The following C8orf34 variants were observed in gnomAD, a reference collection of about 807,000 sequenced individuals.
C8orf34 encodes the protein chromosome 8 open reading frame 34.
C8orf34 carries 65 observed loss-of-function variants against 68.3 expected under a neutral mutation model. The ratio of observed to expected loss-of-function variants is 0.95; its 90% CI spans 0.78 to 1.17. The LOEUF (loss-of-function observed/expected upper bound fraction) is 1.17. Among genes scored for constraint, C8orf34 ranks in the 50% most tolerant of loss-of-function variants. C8orf34 has a pLI of 0.00. For synonymous variants in C8orf34, 244 were observed against 241.2 expected (o/e 1.01, Z -0.11); for missense variants, 664 against 655.4 (o/e 1.01, Z -0.14).
At chr8:68,508,909 G>A (rs557765562) in intron 5 of C8orf34, among the ~76,000 whole-genome samples, 7 of 152,130 alleles carry the variant, frequency 4.6e-5, no homozygotes, top group Admixed American at 1.3e-4. Flanking sequence ...CTAGGCCAGA[G>A]TCCCTGCTAG....
At chr8:68,594,226 T>G (rs1342961406) in intron 7 of C8orf34, among the ~76,000 whole-genome samples, 1 of 152,042 alleles carries the variant, frequency 6.6e-6, no homozygotes, top group East Asian at 1.9e-4. Flanking sequence ...ACTCTGTTTA[T>G]TTTTCGTCCC....
intron 10 of C8orf34, among the ~76,000 whole-genome samples, chr8:68,759,919 A>G (rs182637277): frequency 7.2e-5 from 11 of 152,358 alleles, no homozygotes; most frequent in Admixed American, 6.5e-4. Flanking sequence ...TGGAAATGAA[A>G]GATATACTCA....
intron 12 of C8orf34, among the ~76,000 whole-genome samples, chr8:68,806,449 G>A (rs1363681869): frequency 6.6e-6 from 1 of 151,768 alleles, no homozygotes; most frequent in East Asian, 1.9e-4. Context: ...TTTTCTTTCA[G>A]CACGTCAAAG....
chr8:68,455,644 T>C (rs573114647), intron 3 of C8orf34, among the ~76,000 whole-genome samples: 100 of 152,246 alleles, frequency 6.6e-4, no homozygotes, highest in Middle Eastern at 6.8e-3. Context: ...AGTATTACCA[T>C]TATATGTCAG....
At chr8:68,695,773 C>T (rs1820814015) in intron 8 of C8orf34, 1 of 152,104 alleles carries the variant, frequency 6.6e-6, no homozygotes, top group African/African-American at 2.4e-5. Context: ...ACACTTTGCA[C>T]TGAATCCAGT....
At chr8:68,748,685 A>T (rs1822592903) in intron 10 of C8orf34, among the ~76,000 whole-genome samples, 1 of 151,724 alleles carries the variant, frequency 6.6e-6, no homozygotes, top group African/African-American at 2.4e-5. Flanking sequence ...AACCACAATG[A>T]GATACCATCT....
chr8:68,817,638 G>T (rs1824858354), intron 13 of C8orf34, among the ~76,000 whole-genome samples: 7 of 152,060 alleles, frequency 4.6e-5, no homozygotes, highest in Admixed American at 1.3e-4. Context: ...AAATATTCTA[G>T]AAACATGAAT....
At chr8:68,587,411 A>T (rs1054708943) in intron 7 of C8orf34, among the ~76,000 whole-genome samples, 2 of 152,146 alleles carry the variant, frequency 1.3e-5, no homozygotes, top group Admixed American at 6.6e-5. Context: ...ATGAGTTTAT[A>T]GAATCTGTGT....
intron 12 of C8orf34, among the ~76,000 whole-genome samples, chr8:68,809,634 A>T (rs1474729735): frequency 6.6e-6 from 1 of 152,332 alleles, no homozygotes; most frequent in East Asian, 1.9e-4. Context: ...GATTTTCATC[A>T]TGTAAATATT....
intron 7 of C8orf34, 117 bp downstream of exon 7, chr8:68,533,266 T>TA (rs1412185183): frequency 7.1e-7 from 1 of 1,417,008 alleles, no homozygotes. Flanking sequence ...AAGAAACCAT[T>TA]TAGTACATAT....
chr8:68,708,263 A>T (rs1821227827), intron 8 of C8orf34, among the ~76,000 whole-genome samples: 1 of 152,224 alleles, frequency 6.6e-6, no homozygotes, highest in African/African-American at 2.4e-5. Flanking sequence ...TATACAAAAG[A>T]TCAAGAGATA....
intron 12 of C8orf34, among the ~76,000 whole-genome samples, chr8:68,799,121 T>C (rs995071887): frequency 1.1e-4 from 17 of 152,210 alleles, no homozygotes; most frequent in African/African-American, 3.1e-4. Context: ...TTGAAGTCTT[T>C]AAAAGTTAGA....
rs886358235 is a variant in C8orf34 at position 68,331,043 on chromosome 8, G to A, written c.31G>A (p.Glu11Lys). Reference sequence around the variant, plus strand: ...TTCTCCCCTCGCCTCGGAGTTGTCTGAGTTGGCGGCGCTGCGCCCAGGCTT... The same window carrying A: ...TTCTCCCCTCGCCTCGGAGTTGTCTAAGTTGGCGGCGCTGCGCCCAGGCTT... The part of the protein sequence containing the change: MSSPLASELS[E>K]LAALRPGFRL... The change falls in exon 1 of 14, where the codon GAG becomes AAG. Residue 11 changes from glutamate (E) to lysine (K), a missense_variant. Transcript: ENST00000518698. 1.4e-6 allele frequency: 2 copies of A among 1,473,238 alleles called. No individual in the cohort carries two copies. Among genetic ancestry groups the A allele is most frequent in the East Asian group, 5.6e-5 (2 of 35,496 alleles). The allele number at this position is 1,473,238 out of a possible 1,614,324, so 91.3% of individuals were successfully genotyped here. A position where few individuals can be genotyped will look rare whatever the true frequency, so the allele number is the denominator to read the frequency against.
At chr8:68,475,568 A>G (rs891745692) in intron 4 of C8orf34, among the ~76,000 whole-genome samples, 1 of 152,174 alleles carries the variant, frequency 6.6e-6, no homozygotes, top group African/African-American at 2.4e-5. Flanking sequence ...GGATAAGATG[A>G]CATGGGTTTG....
chr8:68,402,078 A>T (rs1329270362), intron 1 of C8orf34, among the ~76,000 whole-genome samples: 1 of 152,000 alleles, frequency 6.6e-6, no homozygotes, highest in Non-Finnish European at 1.5e-5. Flanking sequence ...TATTACTCCA[A>T]TTTCGTTACT....
chr8:68,499,903 G>A (rs760503114), intron 5 of C8orf34, among the ~76,000 whole-genome samples: 16 of 152,114 alleles, frequency 1.1e-4, no homozygotes, highest in East Asian at 5.8e-4. Context: ...GATTGGGGGC[G>A]GATCCCTCAT....
intron 8 of C8orf34, among the ~76,000 whole-genome samples, chr8:68,644,520 C>G (rs1199233641): frequency 6.6e-6 from 1 of 152,132 alleles, no homozygotes; most frequent in Non-Finnish European, 1.5e-5. Context: ...TTTTCTAGTG[C>G]CTTCAGCTCA....
chr8:68,343,247 T>C (rs921634879), intron 1 of C8orf34, among the ~76,000 whole-genome samples: 16 of 152,172 alleles, frequency 1.1e-4, no homozygotes, highest in Non-Finnish European at 1.0e-4. Context: ...AAATACAAAT[T>C]AAAACCACAA....
intron 8 of C8orf34, among the ~76,000 whole-genome samples, chr8:68,669,161 A>G (rs1819931016): frequency 6.6e-6 from 1 of 152,030 alleles, no homozygotes; most frequent in South Asian, 2.1e-4. Flanking sequence ...AATTTTAAAA[A>G]CTCATCCTGC....
Sources: allele counts gnomAD v4.1 joint callset (sites outside exome capture counted in the v4.1 genomes callset), GRCh38; gene constraint gnomAD v4.1.1; transcripts MANE v1.5; gene names NCBI Gene and HGNC (gene_info 2026-07-23, HGNC 2026-07-21).